TANC1: variants seen among roughly 807,000 people sequenced by gnomAD.
TANC1 encodes the protein protein TANC1.
A neutral mutation model predicts 149.7 loss-of-function variants in TANC1; 77 were observed. The observed-to-expected ratio is 0.51, with a 90% CI of 0.43 to 0.62. TANC1 has a LOEUF of 0.62. TANC1 is among the 20% of genes least tolerant of loss of function. TANC1 has a pLI of 0.00. For synonymous variants in TANC1, 854 were observed against 925.0 expected, an observed-to-expected ratio of 0.92 and a Z score of 1.39; for missense variants, 1,985 against 2,321.8, an observed-to-expected ratio of 0.85 and a Z score of 2.98.
At chr2:159,203,121 C>G (rs961471602) in intron 19 of TANC1, among the ~76,000 whole-genome samples, 1 of 152,136 alleles carries the variant, frequency 6.6e-6, no homozygotes, top group African/African-American at 2.4e-5. Flanking sequence ...GTATCAGAGC[C>G]TTAACCCTCT....
At chr2:159,185,247 G>A (rs1264130972) in intron 14 of TANC1, among the ~76,000 whole-genome samples, 1 of 152,240 alleles carries the variant, frequency 6.6e-6, no homozygotes, top group African/African-American at 2.4e-5. Flanking sequence ...AAATGGGCAG[G>A]ATGGCCCTTT....
intron 13 of TANC1, among the ~76,000 whole-genome samples, chr2:159,177,543 C>A (rs1477103607): frequency 6.6e-6 from 1 of 152,132 alleles, no homozygotes; most frequent in Non-Finnish European, 1.5e-5. Flanking sequence ...ATTTTTCAGT[C>A]ATTTTTTACA....
At chr2:159,127,511 TTTA>T (rs2049583550) in intron 4 of TANC1, among the ~76,000 whole-genome samples, 1 of 152,270 alleles carries the variant, frequency 6.6e-6, no homozygotes, top group Non-Finnish European at 1.5e-5. Flanking sequence ...CACACGTATG[TTTA>T]TTGTGGCACT....
intron 8 of TANC1, among the ~76,000 whole-genome samples, chr2:159,164,747 T>C (rs1026775631): frequency 6.6e-6 from 1 of 152,186 alleles, no homozygotes; most frequent in African/African-American, 2.4e-5. Context: ...CTGGTGGTTG[T>C]TGGGTGTTCT....
At chr2:158,990,946 G>A (rs564669323) in intron 1 of TANC1, among the ~76,000 whole-genome samples, 8 of 151,922 alleles carry the variant, frequency 5.3e-5, no homozygotes, top group African/African-American at 1.2e-4. Context: ...GGTGGCGGGC[G>A]GCTCCAGTCC....
At chr2:159,165,340 G>A (rs541112686) in intron 8 of TANC1, among the ~76,000 whole-genome samples, 1 of 152,336 alleles carries the variant, frequency 6.6e-6, no homozygotes, top group Non-Finnish European at 1.5e-5. Flanking sequence ...TAGACCTCCT[G>A]TGGAATGGGA....
At chr2:159,029,480 C>T (rs1188070487) in intron 2 of TANC1, among the ~76,000 whole-genome samples, 1 of 152,056 alleles carries the variant, frequency 6.6e-6, no homozygotes, top group Non-Finnish European at 1.5e-5. Context: ...GTCTAGGCAC[C>T]CTCTTTTGAA....
chr2:159,116,136 C>T (rs143675529), intron 4 of TANC1, among the ~76,000 whole-genome samples: 188 of 152,022 alleles, frequency 1.2e-3, no homozygotes, highest in African/African-American at 4.5e-3. Context: ...ATGAAAAGTA[C>T]CTGTTAGTGG....
chr2:159,228,683 C>T (rs1007639511), intron 25 of TANC1, 113 bp from the exon 26 acceptor site: 1 of 713,378 alleles, frequency 1.4e-6, no homozygotes, highest in African/African-American at 1.8e-5. Context: ...TTCCCTTCCT[C>T]CCTCTCTGGC....
intron 3 of TANC1, among the ~76,000 whole-genome samples, chr2:159,095,182 G>T (rs372853628): frequency 2.0e-5 from 3 of 151,950 alleles, no homozygotes; most frequent in Non-Finnish European, 4.4e-5. Flanking sequence ...TCCTGACCTC[G>T]TGATTCGCTT....
intron 7 of TANC1, among the ~76,000 whole-genome samples, chr2:159,162,447 G>C (rs1397707409): frequency 6.6e-6 from 1 of 152,204 alleles, no homozygotes; most frequent in Non-Finnish European, 1.5e-5. Context: ...GATGACCTGT[G>C]GTTGCAAGGG....
At chr2:159,171,002 G>T (rs1333037043) in intron 10 of TANC1, among the ~76,000 whole-genome samples, 197 bp downstream of exon 10, 1 of 152,186 alleles carries the variant, frequency 6.6e-6, no homozygotes, top group Non-Finnish European at 1.5e-5. Flanking sequence ...CTGGGGCGAG[G>T]CCAGTGTTCC....
chr2:159,156,396 C>T (rs1381706694), intron 7 of TANC1, among the ~76,000 whole-genome samples: 1 of 152,134 alleles, frequency 6.6e-6, no homozygotes, highest in East Asian at 1.9e-4. Context: ...AAAGAGCCTG[C>T]TGTACTTTTA....
Position 159,150,508 on chromosome 2 carries a change from A to G in TANC1, c.634A>G (p.Ile212Val), listed in dbSNP as rs989633331. 8 of 1,614,052 alleles carry G rather than the reference A, an allele frequency of 5.0e-6. No individual in the cohort carries two copies. In the African/African-American group the frequency reaches 8.0e-5, roughly 16 times the overall value. The change falls in exon 7 of 27, where the codon ATT (isoleucine) becomes GTT (valine). Residue 212 changes from isoleucine (I) to valine (V), a missense_variant. Coordinates refer to ENST00000263635, the MANE Select transcript of TANC1 (RefSeq NM_033394.3). ...TAANKSPCET[I>V]SSPSSTLESK... The stretch of plus-strand genomic sequence containing the variant: ...AGCCAACAAAAGTCCCTGTGAGACC[A>G]TTAGCAGCCCTAGTTCCACCCTGGA...
intron 4 of TANC1, among the ~76,000 whole-genome samples, chr2:159,127,695 A>G (rs1186547647): frequency 1.3e-5 from 2 of 152,230 alleles, no homozygotes; most frequent in African/African-American, 2.4e-5. Flanking sequence ...AGAACAACAC[A>G]TACCGGGGCC....
intron 2 of TANC1, among the ~76,000 whole-genome samples, chr2:159,037,829 G>C (rs374192121): frequency 6.6e-6 from 1 of 152,192 alleles, no homozygotes; most frequent in African/African-American, 2.4e-5. Context: ...GATTGCCTTG[G>C]CAATGGAGGC....
rs1333735740 is a variant in TANC1 at position 159,178,858 on chromosome 2, G to A, written c.2205G>A (p.Glu735=). 2 of 1,614,170 alleles carry A rather than the reference G, an allele frequency of 1.2e-6. No individual in the cohort carries two copies. Among genetic ancestry groups the A allele is most frequent in the Non-Finnish European group, 8.5e-7 (1 of 1,180,028 alleles). ...AGGTGGTGCCCGTGTCTCTCTCTGA[G>A]CTCTATTTGCTTCAGTGCAACATGA... ...SYKVVPVSLS[E]LYLLQCNMKF... The change falls in exon 14 of 27, where the codon GAG becomes GAA. Residue 735 remains glutamate, a synonymous_variant. Transcript: ENST00000263635.
chr2:159,158,044 T>C (rs999229529), intron 7 of TANC1, among the ~76,000 whole-genome samples: 1 of 152,162 alleles, frequency 6.6e-6, no homozygotes, highest in Non-Finnish European at 1.5e-5. Context: ...CTTGTCTTAA[T>C]AGTATGGTAT....
chr2:159,172,316 T>G, intron 11 of TANC1, 44 bp downstream of exon 11: 1 of 1,589,302 alleles, frequency 6.3e-7, no homozygotes, highest in Non-Finnish European at 8.6e-7. Flanking sequence ...TAGAGAGATT[T>G]GCTGGTTTGG....
Sources: gnomAD v4.1 joint callset for allele counts (sites outside exome capture counted in the v4.1 genomes callset) on GRCh38, gnomAD v4.1.1 for gene constraint, MANE v1.5 for transcripts, NCBI Gene and HGNC (gene_info 2026-07-23, HGNC 2026-07-21) for gene names.